The following DYNC2H1 variants were observed in gnomAD, a reference collection of about 807,000 sequenced individuals.
DYNC2H1 encodes the protein cytoplasmic dynein 2 heavy chain 1.
Under a neutral mutation model 570.0 loss-of-function variants are expected in DYNC2H1, and 410 were observed. The observed-to-expected ratio is 0.72, with a 90% CI of 0.66 to 0.78. DYNC2H1 has a LOEUF of 0.78. Among genes scored for constraint, DYNC2H1 ranks in the 30% least tolerant of loss-of-function variants. The pLI is 0.00. For synonymous variants in DYNC2H1, 1,688 were observed against 1,677.6 expected (o/e 1.01, Z -0.15); for missense variants, 4,865 against 5,046.4 (o/e 0.96, Z 1.09).
At chr11:103,257,004 T>C (rs769974596) in intron 68 of DYNC2H1, among the ~76,000 whole-genome samples, 8 of 152,196 alleles carry the variant, frequency 5.3e-5, no homozygotes, top group Non-Finnish European at 8.8e-5. Flanking sequence ...GTTTAAAATA[T>C]ATTGCTATAG....
intron 10 of DYNC2H1, among the ~76,000 whole-genome samples, 197 bp from the exon 11 acceptor site, chr11:103,122,628 C>T (rs1331900056): frequency 6.6e-6 from 1 of 152,196 alleles, no homozygotes; most frequent in African/African-American, 2.4e-5. Context: ...CTTGCGTTTG[C>T]TCTTCTGCGG....
At chr11:103,171,182 T>C in intron 34 of DYNC2H1, 114 bp downstream of exon 34, 1 of 974,404 alleles carries the variant, frequency 1.0e-6, no homozygotes, top group Non-Finnish European at 1.4e-6. Flanking sequence ...TTCTAATCTG[T>C]AACCTGTGTT....
At chr11:103,335,116 C>A (rs1240094425) in intron 82 of DYNC2H1, among the ~76,000 whole-genome samples, 2 of 151,938 alleles carry the variant, frequency 1.3e-5, no homozygotes, top group Non-Finnish European at 2.9e-5. Context: ...CTTATTTTGT[C>A]ATGGCATTTC....
intron 84 of DYNC2H1, among the ~76,000 whole-genome samples, chr11:103,432,736 A>C (rs1943937476): frequency 6.6e-6 from 1 of 152,150 alleles, no homozygotes; most frequent in African/African-American, 2.4e-5. Context: ...TTTCAATATC[A>C]AACAGCAAAT....
chr11:103,416,248 A>G (rs956531233), intron 84 of DYNC2H1, among the ~76,000 whole-genome samples: 3 of 152,184 alleles, frequency 2.0e-5, no homozygotes, highest in Non-Finnish European at 4.4e-5. Flanking sequence ...ATATATACCT[A>G]TGTATCAAAC....
chr11:103,131,518 T>A lies in DYNC2H1; in HGVS notation c.1954-2037T>A, dbSNP rs564979297. Among the ~76,000 whole-genome samples the A allele has an allele frequency of 3.1e-3, 469 of 151,290 alleles. 3 individuals carry two copies. Among genetic ancestry groups the A allele is most frequent in the African/African-American group, 0.011 (452 of 40,602 alleles). On this transcript the variant is annotated intron_variant, in intron 13 of 88. Coordinates refer to ENST00000375735, the MANE Select transcript of DYNC2H1 (RefSeq NM_001377.3). ...GTTAGCCAGGATGGTCTCCCCAGTATTCTTTTTTTTCCCTGAAGTTCTATG... is the reference window on the plus strand; with the variant it reads ...GTTAGCCAGGATGGTCTCCCCAGTAATCTTTTTTTTCCCTGAAGTTCTATG...
Position 103,129,000 on chromosome 11 carries a change from A to G in DYNC2H1, c.1948A>G (p.Ile650Val). The G allele has an allele frequency of 1.3e-6, 2 of 1,599,562 alleles. No individual in the cohort carries two copies. The highest frequency in any genetic ancestry group is 1.7e-6 in the Non-Finnish European group (2 of 1,173,400). The change falls in exon 13 of 89, where the codon ATT becomes GTT. Residue 650 changes from isoleucine to valine, a missense_variant. Physicochemically the swap from Ile to Val is conservative, Grantham distance 29. Coordinates refer to ENST00000375735, the MANE Select transcript of DYNC2H1 (RefSeq NM_001377.3). ...ATCTGCCTTAGCATTTGAACAGATA[A>G]TTAAGGTAAATGGGCTTTTAATTTT... is the stretch of plus-strand genomic sequence containing the variant. ...LQSALAFEQI[I>V]KNSKAGSGGK...
rs186266307 is a variant in DYNC2H1, at chr11:103,251,790, A to G, written c.10043-1495A>G. On this transcript the variant is annotated intron_variant, in intron 65 of 88. Transcript: ENST00000375735. The stretch of plus-strand genomic sequence containing the variant: ...GTAATTTTCTTTCTGTGTCTGGCCT[A>G]CTTTACTTTGTATAATGTTTTCCAG... 9.2e-5 allele frequency among the ~76,000 whole-genome samples: 14 copies of G among 152,254 alleles called. No individual in the cohort carries two copies. The East Asian group carries it at 2.7e-3, about 29-fold the overall frequency.
At chr11:103,292,305 A>G (rs766167144) in intron 75 of DYNC2H1, among the ~76,000 whole-genome samples, 2 of 152,018 alleles carry the variant, frequency 1.3e-5, no homozygotes, top group Non-Finnish European at 2.9e-5. Flanking sequence ...AAACATAACC[A>G]GTGGATTTTA....
At chr11:103,282,960 T>G (rs1437263235) in intron 72 of DYNC2H1, 48 bp from the exon 73 acceptor site, 2 of 1,419,100 alleles carry the variant, frequency 1.4e-6, no homozygotes, top group African/African-American at 1.4e-5. Context: ...TTTTTTAAAC[T>G]CTGAATTTTA....
At chr11:103,135,665 T>G in intron 16 of DYNC2H1, 31 bp downstream of exon 16, 1 of 1,608,172 alleles carries the variant, frequency 6.2e-7, no homozygotes, top group Non-Finnish European at 8.5e-7. Context: ...CAATTTAATG[T>G]TCATTGTATA....
chr11:103,374,233 T>C lies in DYNC2H1; in HGVS notation c.12156+15874T>C, dbSNP rs534473569. Among the ~76,000 whole-genome samples the C allele has an allele frequency of 1.1e-3, 169 of 152,200 alleles. 1 individual carries two copies. The highest frequency in any genetic ancestry group is 3.7e-3 in the African/African-American group (154 of 41,524). On this transcript the variant is annotated intron_variant, in intron 83 of 88. Coordinates refer to ENST00000375735, the MANE Select transcript of DYNC2H1 (RefSeq NM_001377.3). ...GTCATGGGAGGGACCCAGTGAGAGG[T>C]GATTGAATCATGGGGGGTGGTTTTC...
At chr11:103,176,784 C>A (rs899235580) in intron 37 of DYNC2H1, among the ~76,000 whole-genome samples, 2 of 152,008 alleles carry the variant, frequency 1.3e-5, no homozygotes, top group Admixed American at 1.3e-4. Flanking sequence ...CGGCCCACAG[C>A]AACCTCTGCC....
intron 3 of DYNC2H1, 21 bp downstream of exon 3, chr11:103,114,259 A>G: frequency 1.9e-6 from 3 of 1,541,648 alleles, no homozygotes; most frequent in Non-Finnish European, 2.6e-6. Flanking sequence ...ATAGCTTAAT[A>G]AAAGAGAGTA....
At chr11:103,286,498 G>C in intron 74 of DYNC2H1, 112 bp downstream of exon 74, 1 of 1,263,954 alleles carries the variant, frequency 7.9e-7, no homozygotes, top group Non-Finnish European at 1.1e-6. Flanking sequence ...CTTTAATGGC[G>C]TATTTGGGGA....
chr11:103,452,097 G>GTTAGAATGT (rs1944628259), intron 85 of DYNC2H1, among the ~76,000 whole-genome samples: 1 of 151,894 alleles, frequency 6.6e-6, no homozygotes, highest in Non-Finnish European at 1.5e-5. Context: ...ACAGTTTTAG[G>GTTAGAATGT]TTAGAATGTG....
rs1199311761 is a variant in DYNC2H1, at chr11:103,163,762, A to T, written c.4611+615A>T. On this transcript the variant is annotated intron_variant, in intron 30 of 88. Transcript: ENST00000375735. The surrounding 1 kb of genome is among the most constrained non-coding windows in gnomAD (Gnocchi z 4.6). ...GGCCAGACTGTTACAGGTGTAGGTC[A>T]TCAGGAACTTTAGTTCTTAGGGACT... Among the ~76,000 whole-genome samples the T allele has an allele frequency of 2.0e-5, 3 of 152,020 alleles. No homozygotes were observed. The highest frequency in any genetic ancestry group is 4.4e-5 in the Non-Finnish European group (3 of 67,990).
At chr11:103,158,037 A>G (rs974370605) in intron 26 of DYNC2H1, among the ~76,000 whole-genome samples, 2 of 152,228 alleles carry the variant, frequency 1.3e-5, no homozygotes, top group African/African-American at 2.4e-5. Context: ...AGCCATTTTA[A>G]CAATACTTTA....
At chr11:103,164,076 G>A (rs779420881) in intron 30 of DYNC2H1, among the ~76,000 whole-genome samples, 2 of 152,144 alleles carry the variant, frequency 1.3e-5, no homozygotes, top group African/African-American at 2.4e-5. Flanking sequence ...CAAAGCCATT[G>A]TAGAACCAGA....
Sources: allele counts gnomAD v4.1 joint callset (sites outside exome capture counted in the v4.1 genomes callset), GRCh38; gene constraint gnomAD v4.1.1; non-coding constraint Gnocchi (gnomAD v3.1); transcripts MANE v1.5; gene names NCBI Gene and HGNC (gene_info 2026-07-23, HGNC 2026-07-21).